The following PDZD2 variants were observed in gnomAD, a reference collection of about 807,000 sequenced individuals.
PDZD2 encodes PDZ domain containing 2, also known as PDZ domain-containing protein 2.
Under a neutral mutation model 220.7 loss-of-function variants are expected in PDZD2, and 90 were observed. That is an observed-to-expected ratio of 0.41 (90% CI 0.34 to 0.49). The LOEUF is 0.49. Among genes scored for constraint, PDZD2 ranks in the 20% least tolerant of loss-of-function variants. PDZD2 has a pLI of 0.28. For missense variants in PDZD2, 3,174 were observed against 3,608.5 expected, an observed-to-expected ratio of 0.88 and a Z score of 3.08; for synonymous variants, 1,375 against 1,450.5, an observed-to-expected ratio of 0.95 and a Z score of 1.18.
At position 31,815,245 on chromosome 5, in the gene PDZD2, C is replaced by CAAAAAAAAAAA. The variant is rs59040987; in HGVS notation, c.476+15536_476+15546dup. 9.5e-4 allele frequency among the ~76,000 whole-genome samples: 55 copies of CAAAAAAAAAAA among 57,934 alleles called. 1 individual carries two copies. The highest frequency in any genetic ancestry group is 3.2e-3 in the African/African-American group (48 of 14,786). The allele number at this position is 57,934 out of a possible 152,430, so 38.0% of individuals were successfully genotyped here. A position where few individuals can be genotyped will look rare whatever the true frequency, so the allele number is the denominator to read the frequency against. ...AGGCAACAAGAGCAAAACTCTGTCT[C>CAAAAAAAAAAA]AAAAAAAAAAAAAAAAAAAAAAAAA... On this transcript the variant is annotated intron_variant, in intron 2 of 24. Transcript: ENST00000438447.
intron 1 of PDZD2, among the ~76,000 whole-genome samples, chr5:31,726,674 G>A (rs1477258355): frequency 6.6e-6 from 1 of 152,120 alleles, no homozygotes; most frequent in Non-Finnish European, 1.5e-5. Context: ...GAGGACAGAG[G>A]GTGGGCAGGG....
intron 2 of PDZD2, among the ~76,000 whole-genome samples, chr5:31,939,482 G>C (rs1317683300): frequency 1.3e-5 from 2 of 152,170 alleles, no homozygotes; most frequent in African/African-American, 4.8e-5. Flanking sequence ...CGGGCTGTGG[G>C]GTGAAGGGTT....
At chr5:31,774,379 A>G (rs1752511256) in intron 1 of PDZD2, among the ~76,000 whole-genome samples, 1 of 151,842 alleles carries the variant, frequency 6.6e-6, no homozygotes, top group Non-Finnish European at 1.5e-5. Flanking sequence ...TGCAGAGAAT[A>G]CAGGTTCACT....
intron 2 of PDZD2, among the ~76,000 whole-genome samples, chr5:31,899,734 G>A (rs1031156012): frequency 1.3e-4 from 20 of 152,156 alleles, no homozygotes; most frequent in African/African-American, 3.9e-4. Context: ...GAGCTGATTA[G>A]GTCATCAAAT....
chr5:31,681,668 T>C (rs1325896385), intron 1 of PDZD2, among the ~76,000 whole-genome samples: 21 of 152,144 alleles, frequency 1.4e-4, no homozygotes, highest in Admixed American at 1.4e-3. Flanking sequence ...CACAAAATGC[T>C]ATGTGGAAGA....
At chr5:31,974,800 C>T (rs1374149104) in intron 2 of PDZD2, among the ~76,000 whole-genome samples, 1 of 152,226 alleles carries the variant, frequency 6.6e-6, no homozygotes. Context: ...ACCTGTAATG[C>T]CAGCACTTTG....
Position 32,073,989 on chromosome 5 carries a change from G to A in PDZD2, c.2883G>A (p.Lys961=). The change falls in exon 18 of 25, where the codon AAG becomes AAA. Residue 961 remains lysine, a synonymous_variant. Coordinates refer to ENST00000438447, the MANE Select transcript of PDZD2 (RefSeq NM_178140.4). The part of the protein sequence containing the change: ...ALRNPLLRQR[K]VGCYDANDAS... ...GAAACCCTCTCCTCCGCCAGAGGAA[G>A]GTAGGCTGCTACGATGCCAACGATG... The A allele has an allele frequency of 6.2e-7, 1 of 1,614,172 alleles. No individual in the cohort carries two copies. Among genetic ancestry groups the A allele is most frequent in the Non-Finnish European group, 8.5e-7 (1 of 1,180,012 alleles).
At chr5:31,757,126 A>G (rs928621121) in intron 1 of PDZD2, among the ~76,000 whole-genome samples, 2 of 152,090 alleles carry the variant, frequency 1.3e-5, no homozygotes, top group Non-Finnish European at 1.5e-5. Context: ...TCTACAAAAC[A>G]TTTTTAAAAA....
chr5:31,776,162 G>T (rs1752631448), intron 1 of PDZD2, among the ~76,000 whole-genome samples: 1 of 152,158 alleles, frequency 6.6e-6, no homozygotes, highest in Non-Finnish European at 1.5e-5. Flanking sequence ...GAGCCCCTAG[G>T]TCTCTGCCGT....
At chr5:31,987,225 A>G (rs1750790836) in intron 3 of PDZD2, among the ~76,000 whole-genome samples, 1 of 152,190 alleles carries the variant, frequency 6.6e-6, no homozygotes, top group South Asian at 2.1e-4. Flanking sequence ...GCAAAAAAAG[A>G]ACCCTACCAC....
At chr5:31,883,304 T>G (rs1740119240) in intron 2 of PDZD2, among the ~76,000 whole-genome samples, 1 of 149,810 alleles carries the variant, frequency 6.7e-6, no homozygotes, top group Non-Finnish European at 1.5e-5. Flanking sequence ...CACTTTAGCT[T>G]CTGCCTACTG....
intron 4 of PDZD2, among the ~76,000 whole-genome samples, chr5:31,997,854 C>CT (rs1416557277): frequency 6.6e-6 from 1 of 151,824 alleles, no homozygotes; most frequent in Admixed American, 6.6e-5. Flanking sequence ...GTCTTTTTTT[C>CT]TTTTTTGAGG....
Position 31,813,367 on chromosome 5 carries a change from G to C in PDZD2, c.476+13643G>C, listed in dbSNP as rs974140788. On this transcript the variant is annotated intron_variant, in intron 2 of 24. Coordinates refer to ENST00000438447, the MANE Select transcript of PDZD2 (RefSeq NM_178140.4). ...CGGGAGGCTGAGGCAGGAGAATGGC[G>C]TGAACCCGGGAGGTGGAGCTTGCAG... is the stretch of plus-strand genomic sequence containing the variant. 2.7e-5 allele frequency among the ~76,000 whole-genome samples: 4 copies of C among 147,694 alleles called. 1 individual carries two copies. In the South Asian group the frequency reaches 8.7e-4, roughly 32 times the overall value.
chr5:31,933,983 G>A (rs1745514568), intron 2 of PDZD2, among the ~76,000 whole-genome samples: 2 of 152,194 alleles, frequency 1.3e-5, no homozygotes, highest in Non-Finnish European at 2.9e-5. Flanking sequence ...GTGAGTAAAT[G>A]TAGCAGTAAT....
At chr5:31,983,713 T>G in intron 3 of PDZD2, 57 bp downstream of exon 3, 1 of 1,528,874 alleles carries the variant, frequency 6.5e-7, no homozygotes, top group Middle Eastern at 1.7e-4. Context: ...TGTTTGTTTG[T>G]TTTTGCAGCC....
chr5:31,749,952 T>C (rs1750846404), intron 1 of PDZD2, among the ~76,000 whole-genome samples: 1 of 152,208 alleles, frequency 6.6e-6, no homozygotes, highest in Admixed American at 6.5e-5. Context: ...TTGTTTATCT[T>C]TGGGCTTGCA....
rs1301200465 is a variant in PDZD2, at chr5:32,069,254, ACT to A, written c.2452-312_2452-311del. 2.3e-5 allele frequency among the ~76,000 whole-genome samples: 3 copies of A among 129,374 alleles called. No homozygotes were observed. In the Admixed American group the frequency reaches 2.5e-4, roughly 11 times the overall value. The allele number at this position is 129,374 out of a possible 152,430, so 84.9% of individuals were successfully genotyped here. ...GCACTCCAGCTTGGGTAACAGAGAG[ACT>A]CTGTCTCAAAAAAAAAAAAAAAAAA... On this transcript the variant is annotated intron_variant, in intron 14 of 24. Transcript: ENST00000438447.
intron 1 of PDZD2, chr5:31,725,532 G>A (rs760284330): frequency 3.4e-5 from 47 of 1,366,542 alleles, no homozygotes; most frequent in Non-Finnish European, 4.5e-5. Context: ...TATACTACCA[G>A]GGGCCACTGG....
intron 2 of PDZD2, among the ~76,000 whole-genome samples, chr5:31,819,710 T>C (rs965702725): frequency 7.3e-5 from 11 of 151,624 alleles, no homozygotes; most frequent in Admixed American, 5.9e-4. Flanking sequence ...TATGTCTGTG[T>C]ATATGTATGA....
Sources: allele counts gnomAD v4.1 joint callset (sites outside exome capture counted in the v4.1 genomes callset), GRCh38; gene constraint gnomAD v4.1.1; transcripts MANE v1.5; gene names NCBI Gene and HGNC (gene_info 2026-07-23, HGNC 2026-07-21).